The following ALDH1L1 variants were observed in gnomAD, a reference collection of about 807,000 sequenced individuals.
ALDH1L1 encodes cytosolic 10-formyltetrahydrofolate dehydrogenase.
In ALDH1L1, 68 loss-of-function variants were observed where a neutral mutation model predicts 101.1. That is an observed-to-expected ratio of 0.67 (90% confidence interval 0.55 to 0.82). ALDH1L1 has a LOEUF of 0.82. Ranked by LOEUF, ALDH1L1 falls within the 40% of genes least tolerant of loss-of-function variation. ALDH1L1 has a pLI of 0.00. For synonymous variants in ALDH1L1, 486 were observed against 470.8 expected (o/e 1.03, Z -0.42); for missense variants, 1,087 against 1,172.7 (o/e 0.93, Z 1.07).
chr3:126,176,327 C>T (rs1328846854), intron 1 of ALDH1L1, among the ~76,000 whole-genome samples: 1 of 152,122 alleles, frequency 6.6e-6, no homozygotes, highest in East Asian at 1.9e-4. Context: ...TATCAACAAA[C>T]TGATTCTCAA....
At chr3:126,109,495 G>C (rs900783638) in intron 20 of ALDH1L1, among the ~76,000 whole-genome samples, 6 of 152,182 alleles carry the variant, frequency 3.9e-5, no homozygotes, top group African/African-American at 1.4e-4. Context: ...TAGGGTCTGA[G>C]CTGCTGCAGG....
At chr3:126,108,683 T>G (rs990299579) in intron 20 of ALDH1L1, among the ~76,000 whole-genome samples, 1 of 152,138 alleles carries the variant, frequency 6.6e-6, no homozygotes, top group Admixed American at 6.5e-5. Flanking sequence ...TCCTGTGAGC[T>G]GAAGAAGCAG....
At chr3:126,156,206 T>C (rs374526158) in intron 4 of ALDH1L1, 1 of 152,258 alleles carries the variant, frequency 6.6e-6, no homozygotes, top group East Asian at 1.9e-4. Flanking sequence ...TTAATTGATT[T>C]AATAGCTGCA....
In ALDH1L1 at chr3:126,114,544, G is replaced by A. The variant is rs981011288; in HGVS notation, c.2082+13C>T. 5 of 1,488,728 alleles carry A rather than the reference G, an allele frequency of 3.4e-6. No individual in the cohort carries two copies. The African/African-American group carries it at 4.2e-5, about 13-fold the overall frequency. 92.2% of individuals were successfully genotyped at this position (1,488,728 alleles called of 1,614,324 possible). A position where few individuals can be genotyped will look rare whatever the true frequency, so the allele number is the denominator to read the frequency against. ...CGCTCACTGTCCCTGCCCCCTCCAGGCCCGGCCCTCACCATCTGCACAGCC... is the reference window on the plus strand; with the variant it reads ...CGCTCACTGTCCCTGCCCCCTCCAGACCCGGCCCTCACCATCTGCACAGCC... On this transcript the variant is annotated intron_variant, in intron 18 of 22. Coordinates refer to ENST00000393434, the MANE Select transcript of ALDH1L1 (RefSeq NM_012190.4).
intron 1 of ALDH1L1, among the ~76,000 whole-genome samples, chr3:126,196,306 T>C (rs62263389): frequency 2.0e-5 from 3 of 151,766 alleles, no homozygotes; most frequent in Admixed American, 6.6e-5. Flanking sequence ...TTTGGTCTGG[T>C]CTAAAGAACA....
In ALDH1L1 at chr3:126,144,924, T is replaced by G. The variant is rs538509052; in HGVS notation, c.1076+1911A>C. Among the ~76,000 whole-genome samples the G allele has an allele frequency of 1.1e-4, 17 of 152,312 alleles. No individual in the cohort carries two copies. The South Asian group carries it at 2.1e-3, about 19-fold the overall frequency. On this transcript the variant is annotated intron_variant, in intron 9 of 22. Transcript: ENST00000393434. The stretch of plus-strand genomic sequence containing the variant: ...AATGCGAGAAAACTTCTGCAAACCA[T>G]GTATCTGATAAGAGGTTAATTCCTA...
In ALDH1L1 at chr3:126,153,455, C is replaced by G. The variant is rs772994923; in HGVS notation, c.847G>C (p.Asp283His). Residue 283 changes from aspartate (D) to histidine (H), a missense_variant, in exon 7 of 23, where the codon GAT (aspartate) becomes CAT (histidine). Physicochemically the swap from Asp to His is moderately conservative, Grantham distance 81 (BLOSUM62 -1). This residue lies in a region of ALDH1L1 where 645 missense variants were observed against 637.0 expected (regional missense o/e 1.01). Coordinates refer to ENST00000393434, the MANE Select transcript of ALDH1L1 (RefSeq NM_012190.4). ...AGCCGTGCCCTTACCATTTTGTCAT[C>G]ATTCCCAAAGAGGATGAGTCCTGCT... Reference protein sequence around the residue: ...TKAGLILFGNDDKMLLVKNIQ... With the variant: ...TKAGLILFGNHDKMLLVKNIQ... 6.2e-7 allele frequency: 1 copy of G among 1,614,026 alleles called. No homozygotes were observed. Among genetic ancestry groups the G allele is most frequent in the Non-Finnish European group, 8.5e-7 (1 of 1,180,040 alleles).
chr3:126,154,433 G>T, intron 6 of ALDH1L1, 121 bp downstream of exon 6: 1 of 1,008,384 alleles, frequency 9.9e-7, no homozygotes. Context: ...GCACCCAGTG[G>T]GAGTAGGGGC....
intron 12 of ALDH1L1, chr3:126,135,102 G>A (rs1197272298): frequency 1.3e-5 from 2 of 151,910 alleles, no homozygotes; most frequent in African/African-American, 4.9e-5. Flanking sequence ...ATAGATTCCA[G>A]TAGTCAGAGC....
chr3:126,110,837 GC>G (rs1376214669), intron 19 of ALDH1L1, among the ~76,000 whole-genome samples: 1 of 152,152 alleles, frequency 6.6e-6, no homozygotes, highest in Non-Finnish European at 1.5e-5. Context: ...CGATCAAATG[GC>G]TTTGTATCTT....
chr3:126,115,939 C>A (rs1309926518), intron 17 of ALDH1L1, among the ~76,000 whole-genome samples: 1 of 150,578 alleles, frequency 6.6e-6, no homozygotes, highest in African/African-American at 2.4e-5. Flanking sequence ...GTGGTGTGAT[C>A]TCAGCTTACT....
intron 1 of ALDH1L1, among the ~76,000 whole-genome samples, chr3:126,173,073 C>T (rs1559975506): frequency 6.6e-6 from 1 of 152,032 alleles, no homozygotes; most frequent in East Asian, 1.9e-4. Flanking sequence ...GAATTTGTCA[C>T]CAGTAAACTG....
chr3:126,183,547 CAG>C (rs1259424899), upstream of ALDH1L1, among the ~76,000 whole-genome samples: 7 of 152,242 alleles, frequency 4.6e-5, no homozygotes, highest in East Asian at 1.4e-3. Flanking sequence ...ACTCTGGGGC[CAG>C]AGTCAGACTG....
In ALDH1L1 at chr3:126,158,611, C is replaced by T. The variant is rs374947210; in HGVS notation, c.156G>A (p.Pro52=). 14 of 1,613,346 alleles carry T rather than the reference C, an allele frequency of 8.7e-6. No individual in the cohort carries two copies. The highest frequency in any genetic ancestry group is 1.7e-5 in the Admixed American group (1 of 59,992). ...LGLEAEKDGV[P]VFKYSRWRAK... ...CACGCCACCGGGAGTACTTGAATAC[C>T]GGCACTCCATCCTTCTCAGCTTCCA... Residue 52 remains proline, a synonymous_variant, in exon 3 of 23, where the codon CCG becomes CCA. Coordinates refer to ENST00000393434, the MANE Select transcript of ALDH1L1 (RefSeq NM_012190.4).
chr3:126,140,977 T>G (rs1172527686), intron 9 of ALDH1L1, among the ~76,000 whole-genome samples: 2 of 152,022 alleles, frequency 1.3e-5, no homozygotes, highest in Non-Finnish European at 2.9e-5. Context: ...TTTAATCTAT[T>G]TAAAGTTTAA....
chr3:126,132,100 C>G (rs566846558), intron 12 of ALDH1L1, among the ~76,000 whole-genome samples: 1 of 152,348 alleles, frequency 6.6e-6, no homozygotes, highest in East Asian at 1.9e-4. Flanking sequence ...CTGAGCATGC[C>G]GAGGTCGGGT....
intron 19 of ALDH1L1, among the ~76,000 whole-genome samples, chr3:126,110,699 A>C: frequency 6.6e-6 from 1 of 152,092 alleles, no homozygotes. Context: ...AGCACCCGGC[A>C]CACCCCTCTG....
Position 126,125,667 on chromosome 3 carries a change from C to T in ALDH1L1, c.1749G>A (p.Lys583=), listed in dbSNP as rs768625948. The change falls in exon 15 of 23, where the codon AAG becomes AAA. Residue 583 remains lysine, a synonymous_variant. Transcript: ENST00000393434. ...TCCCGGCAGCCAGGCAGGCAGCTGT[C>T]TTCCAGGACAGCATCATCAGGGGAT... ...WNYPLMMLSW[K]TAACLAAGNT... The T allele has an allele frequency of 2.5e-6, 4 of 1,600,076 alleles. No individual in the cohort carries two copies. In the East Asian group the frequency reaches 6.9e-5, roughly 27 times the overall value.
At chr3:126,195,906 G>A (rs557404167) in intron 1 of ALDH1L1, among the ~76,000 whole-genome samples, 3 of 152,170 alleles carry the variant, frequency 2.0e-5, no homozygotes, top group South Asian at 4.2e-4. Context: ...GGTGGGAACC[G>A]AACAATGAGA....
Sources: gnomAD v4.1 joint callset for allele counts (sites outside exome capture counted in the v4.1 genomes callset) on GRCh38, gnomAD v4.1.1 for gene constraint, gnomAD v4.1.1 regional missense constraint, MANE v1.5 for transcripts, NCBI Gene and HGNC (gene_info 2026-07-23, HGNC 2026-07-21) for gene names.